MARCHF1: variants seen among roughly 807,000 people sequenced by gnomAD.
MARCHF1 encodes membrane associated ring-CH-type finger 1, also known as E3 ubiquitin-protein ligase MARCHF1.
In MARCHF1, 40 loss-of-function variants were observed where a neutral mutation model predicts 54.2. The observed-to-expected ratio is 0.74, with a 90% CI of 0.57 to 0.96. The LOEUF (loss-of-function observed/expected upper bound fraction) is 0.96. Ranked by LOEUF, MARCHF1 falls within the 40% of genes least tolerant of loss-of-function variation. The pLI, the probability that MARCHF1 is intolerant of heterozygous loss-of-function variation, is 0.00. For missense variants in MARCHF1, 586 were observed against 656.5 expected (o/e 0.89, Z 1.17); for synonymous variants, 236 against 236.3 (o/e 1.00, Z 0.01).
intron 5 of MARCHF1, among the ~76,000 whole-genome samples, chr4:163,623,177 G>T (rs895113257): frequency 6.6e-6 from 1 of 152,178 alleles, no homozygotes; most frequent in African/African-American, 2.4e-5. Flanking sequence ...AGCGCAGACT[G>T]AAGCACTAGG....
At chr4:164,128,537 A>C (rs1579557268) in intron 1 of MARCHF1, among the ~76,000 whole-genome samples, 1 of 37,118 alleles carries the variant, frequency 2.7e-5, no homozygotes, top group East Asian at 1.3e-3. Context: ...TCATGAACTC[A>C]TAATGAAAAA....
intron 1 of MARCHF1, among the ~76,000 whole-genome samples, chr4:164,222,196 A>G (rs1369653447): frequency 6.6e-6 from 1 of 152,012 alleles, no homozygotes; most frequent in Non-Finnish European, 1.5e-5. Flanking sequence ...TTTTAGTATA[A>G]AAACATATAA....
intron 1 of MARCHF1, among the ~76,000 whole-genome samples, chr4:164,217,797 T>G (rs1027036523): frequency 1.3e-5 from 2 of 152,168 alleles, no homozygotes; most frequent in African/African-American, 2.4e-5. Context: ...CTCATCGGTC[T>G]CCCTGTTCTT....
At position 163,944,266 on chromosome 4, in the gene MARCHF1, G is replaced by A. The variant is rs183393439; in HGVS notation, c.-39+44235C>T. On this transcript the variant is annotated intron_variant, in intron 3 of 9. Transcript: ENST00000514618. The stretch of plus-strand genomic sequence containing the variant: ...CAAAGTGCTGGGATTACAGGCGTGA[G>A]CCACCGCGCCTGGCCAGAAATATGC... Among the ~76,000 whole-genome samples, 935 of 152,070 alleles carry A rather than the reference G, an allele frequency of 6.1e-3. 11 individuals carry two copies. Among genetic ancestry groups the A allele is most frequent in the Admixed American group, 0.031 (472 of 15,260 alleles).
Position 163,655,543 on chromosome 4 carries a change from T to A in MARCHF1, c.163-42150A>T, listed in dbSNP as rs185542563. Among the ~76,000 whole-genome samples the A allele has an allele frequency of 2.9e-3, 448 of 151,974 alleles. 1 individual carries two copies. Among genetic ancestry groups the A allele is most frequent in the Non-Finnish European group, 5.2e-3 (356 of 67,878 alleles). ...GATATTTAGAACTTGAACTCAGCCCTGGATCAAGTGGACCTGATAGGTATC... is the reference window on the plus strand; with the variant it reads ...GATATTTAGAACTTGAACTCAGCCCAGGATCAAGTGGACCTGATAGGTATC... On this transcript the variant is annotated intron_variant, in intron 5 of 9. Transcript: ENST00000514618.
chr4:164,121,359 G>A (rs1412030082), intron 1 of MARCHF1, among the ~76,000 whole-genome samples: 1 of 152,052 alleles, frequency 6.6e-6, no homozygotes, highest in African/African-American at 2.4e-5. Flanking sequence ...AAAGGAAAGA[G>A]GTTTAATTGA....
chr4:164,092,112 C>T (rs1452421565), intron 2 of MARCHF1, among the ~76,000 whole-genome samples: 1 of 152,076 alleles, frequency 6.6e-6, no homozygotes, highest in African/African-American at 2.4e-5. Flanking sequence ...GGATCTCTAA[C>T]CTGCCTACAA....
At chr4:164,188,587 T>C in intron 1 of MARCHF1, 1 of 825,682 alleles carries the variant, frequency 1.2e-6, no homozygotes, top group South Asian at 1.3e-5. Context: ...CCTTCACTCT[T>C]GAAGGGGAAT....
At chr4:164,057,519 A>T (rs1241127509) in intron 2 of MARCHF1, among the ~76,000 whole-genome samples, 1 of 152,206 alleles carries the variant, frequency 6.6e-6, no homozygotes, top group Non-Finnish European at 1.5e-5. Flanking sequence ...GTTTTGTGGC[A>T]CTTCCATGAA....
At chr4:164,083,591 A>G (rs746051332) in intron 2 of MARCHF1, among the ~76,000 whole-genome samples, 25 of 152,120 alleles carry the variant, frequency 1.6e-4, no homozygotes, top group Middle Eastern at 3.2e-3. Context: ...AGATTTTTCC[A>G]AAAAGAACAT....
At chr4:163,553,054 A>C (rs1739168169) in intron 8 of MARCHF1, among the ~76,000 whole-genome samples, 1 of 148,058 alleles carries the variant, frequency 6.8e-6, no homozygotes, top group Non-Finnish European at 1.5e-5. Flanking sequence ...AAAAAAAAGA[A>C]GAATGAGCGC....
chr4:163,962,229 T>C (rs889424434), intron 3 of MARCHF1, among the ~76,000 whole-genome samples: 4 of 151,946 alleles, frequency 2.6e-5, no homozygotes, highest in Non-Finnish European at 5.9e-5. Context: ...GACTTATTCA[T>C]AATCCAGGTG....
chr4:164,360,979 A>G (rs1205971798), intron 1 of MARCHF1, among the ~76,000 whole-genome samples: 2 of 151,674 alleles, frequency 1.3e-5, no homozygotes, highest in African/African-American at 4.8e-5. Flanking sequence ...TTAAAATTAC[A>G]TACACAACAC....
At chr4:163,903,575 T>A (rs1750987345) in intron 3 of MARCHF1, among the ~76,000 whole-genome samples, 1 of 151,986 alleles carries the variant, frequency 6.6e-6, no homozygotes, top group African/African-American at 2.4e-5. Flanking sequence ...AACTTTTTTT[T>A]ATTCTCCATA....
At chr4:163,658,255 G>C (rs1452467360) in intron 5 of MARCHF1, among the ~76,000 whole-genome samples, 1 of 151,984 alleles carries the variant, frequency 6.6e-6, no homozygotes, top group Non-Finnish European at 1.5e-5. Flanking sequence ...GACATCAACA[G>C]ATGCTTCTCA....
chr4:164,266,138 G>A (rs1334157695), intron 1 of MARCHF1, among the ~76,000 whole-genome samples: 7 of 152,150 alleles, frequency 4.6e-5, no homozygotes, highest in Non-Finnish European at 1.0e-4. Context: ...TTTTAGAATA[G>A]AGTACTAAAT....
At chr4:163,940,549 C>A (rs182845516) in intron 3 of MARCHF1, among the ~76,000 whole-genome samples, 5 of 151,896 alleles carry the variant, frequency 3.3e-5, no homozygotes, top group Admixed American at 3.3e-4. Context: ...CTATGTCCAC[C>A]ATTGGATCTT....
At chr4:163,688,428 T>A (rs1744338726) in intron 5 of MARCHF1, among the ~76,000 whole-genome samples, 1 of 152,184 alleles carries the variant, frequency 6.6e-6, no homozygotes, top group Non-Finnish European at 1.5e-5. Flanking sequence ...GGTTTTTGAA[T>A]GAAAATATGT....
rs181881378 is a variant in MARCHF1 at position 164,152,801 on chromosome 4, C to G, written c.-322-41139G>C. On this transcript the variant is annotated intron_variant, in intron 1 of 9. Coordinates refer to ENST00000514618, the MANE Select transcript of MARCHF1 (RefSeq NM_001394959.1). ...TTATGTTTACCCTGAACATTCCTTTCTATCAATCCTAGGCCTTTAGACAAA... is the reference window on the plus strand; with the variant it reads ...TTATGTTTACCCTGAACATTCCTTTGTATCAATCCTAGGCCTTTAGACAAA... 3.3e-3 allele frequency among the ~76,000 whole-genome samples: 510 copies of G among 152,276 alleles called. 4 individuals are homozygous for G. The highest frequency in any genetic ancestry group is 4.9e-3 in the Non-Finnish European group (330 of 68,026).
Sources: allele counts gnomAD v4.1 joint callset (sites outside exome capture counted in the v4.1 genomes callset), GRCh38; gene constraint gnomAD v4.1.1; transcripts MANE v1.5; gene names NCBI Gene and HGNC (gene_info 2026-07-23, HGNC 2026-07-21).